Variants in KIAA0825 observed in about 807,000 individuals in gnomAD.
KIAA0825 encodes the protein KIAA0825, also known as uncharacterized protein KIAA0825.
Under a neutral mutation model 147.6 loss-of-function variants are expected in KIAA0825, and 119 were observed. The observed-to-expected ratio is 0.81, with a 90% CI of 0.69 to 0.94. KIAA0825 has a LOEUF of 0.94. Among genes scored for constraint, KIAA0825 ranks in the 40% least tolerant of loss-of-function variants. The pLI, the probability that KIAA0825 is intolerant of heterozygous loss-of-function variation, is 0.00. For missense variants in KIAA0825, 1,381 were observed against 1,472.7 expected (o/e 0.94, Z 1.02); for synonymous variants, 470 against 518.1 (o/e 0.91, Z 1.26).
At chr5:94,436,482 G>T (rs1160927913) in intron 14 of KIAA0825, among the ~76,000 whole-genome samples, 1 of 152,080 alleles carries the variant, frequency 6.6e-6, no homozygotes, top group Non-Finnish European at 1.5e-5. Flanking sequence ...TGGTTTGCGT[G>T]TCTGTTCTTA....
At chr5:94,567,557 G>A (rs190200465) in intron 2 of KIAA0825, 4 of 151,980 alleles carry the variant, frequency 2.6e-5, no homozygotes, top group South Asian at 2.0e-4. Context: ...ACTCTTCATC[G>A]GCTGAGAGGG....
At chr5:94,519,164 A>C in intron 5 of KIAA0825, 1 of 859,624 alleles carries the variant, frequency 1.2e-6, no homozygotes, top group South Asian at 5.4e-5. Context: ...AGGAAAATTA[A>C]AATTTTAAGA....
intron 18 of KIAA0825, among the ~76,000 whole-genome samples, chr5:94,388,400 G>A (rs1447546187): frequency 6.6e-6 from 1 of 152,148 alleles, no homozygotes; most frequent in African/African-American, 2.4e-5. Flanking sequence ...TTTAGTGTCT[G>A]ATGGAGGGTC....
At chr5:94,307,962 A>G (rs572520989) in intron 20 of KIAA0825, among the ~76,000 whole-genome samples, 1 of 151,888 alleles carries the variant, frequency 6.6e-6, no homozygotes, top group Admixed American at 6.6e-5. Flanking sequence ...CACATCTTTA[A>G]TAAGCTACTA....
At chr5:94,584,346 T>C (rs1782835964) in intron 1 of KIAA0825, among the ~76,000 whole-genome samples, 1 of 152,174 alleles carries the variant, frequency 6.6e-6, no homozygotes, top group African/African-American at 2.4e-5. Flanking sequence ...AGAGCTTAAA[T>C]GACCTGATGG....
chr5:94,429,346 G>A (rs549146157), intron 14 of KIAA0825, among the ~76,000 whole-genome samples: 15 of 151,992 alleles, frequency 9.9e-5, no homozygotes, highest in Admixed American at 5.2e-4. Flanking sequence ...TTATTTTCAC[G>A]CAGGTAGTAT....
intron 20 of KIAA0825, among the ~76,000 whole-genome samples, chr5:94,177,825 G>C (rs1179425493): frequency 1.3e-5 from 2 of 152,048 alleles, no homozygotes; most frequent in Non-Finnish European, 2.9e-5. Context: ...ATATTTTTGA[G>C]TTCCTACTAT....
At position 94,152,852 on chromosome 5, in the gene KIAA0825, AAAATTATATATATATATATATAT is replaced by A. The variant is rs1766640613; in HGVS notation, c.*1132_*1154del. 6.4e-5 allele frequency: 1 copy of A among 15,528 alleles called. No homozygotes were observed. Among genetic ancestry groups the A allele is most frequent in the African/African-American group, 2.2e-4 (1 of 4,560 alleles). 1.0% of individuals were successfully genotyped at this position (15,528 alleles called of 1,614,324 possible). On this transcript the variant is annotated 3_prime_UTR_variant, in exon 21 of 21. Coordinates refer to ENST00000682413, the MANE Select transcript of KIAA0825 (RefSeq NM_001145678.3). ...AAAAAAAAAAAAAAAAAAAAAAAAA[AAAATTATATATATATATATATAT>A]ATATATATATATATATATATATATA...
At chr5:94,283,729 T>G (rs1339000970) in intron 20 of KIAA0825, among the ~76,000 whole-genome samples, 2 of 152,170 alleles carry the variant, frequency 1.3e-5, no homozygotes, top group Non-Finnish European at 2.9e-5. Flanking sequence ...AATTAGTATT[T>G]TAAAACAATT....
intron 20 of KIAA0825, among the ~76,000 whole-genome samples, chr5:94,199,861 T>C (rs1023650021): frequency 1.3e-5 from 2 of 152,098 alleles, no homozygotes; most frequent in Non-Finnish European, 2.9e-5. Context: ...AGCTAAAGAA[T>C]TGTGGTGGTG....
chr5:94,589,987 T>C (rs1784054076), intron 1 of KIAA0825, among the ~76,000 whole-genome samples: 3 of 152,054 alleles, frequency 2.0e-5, no homozygotes, highest in African/African-American at 7.2e-5. Flanking sequence ...ACTCCAATGG[T>C]TTCTTTTTTT....
chr5:94,459,959 AC>A (rs1334598146), intron 12 of KIAA0825, among the ~76,000 whole-genome samples: 1 of 152,136 alleles, frequency 6.6e-6, no homozygotes, highest in African/African-American at 2.4e-5. Context: ...GGCAAATATT[AC>A]ATCTTGCTCA....
intron 20 of KIAA0825, among the ~76,000 whole-genome samples, chr5:94,361,786 A>G (rs918034458): frequency 2.6e-5 from 4 of 152,226 alleles, no homozygotes; most frequent in African/African-American, 9.6e-5. Flanking sequence ...CTTGGGGTCT[A>G]TAAATTTAAT....
chr5:94,532,605 C>T (rs527999881), intron 3 of KIAA0825, among the ~76,000 whole-genome samples: 2 of 151,712 alleles, frequency 1.3e-5, no homozygotes, highest in South Asian at 4.2e-4. Flanking sequence ...ATAGCGTGTG[C>T]AGCCTCAAAT....
At chr5:94,331,335 GATGAA>G (rs774210420) in intron 20 of KIAA0825, among the ~76,000 whole-genome samples, 15 of 152,114 alleles carry the variant, frequency 9.9e-5, no homozygotes, top group Non-Finnish European at 2.1e-4. Flanking sequence ...TGACCATTAA[GATGAA>G]ATGAACCAAT....
At chr5:94,360,711 C>T (rs557244968) in intron 20 of KIAA0825, among the ~76,000 whole-genome samples, 33 of 152,324 alleles carry the variant, frequency 2.2e-4, no homozygotes, top group Non-Finnish European at 2.9e-5. Flanking sequence ...ATTGCCCACC[C>T]CTTTCCCAGA....
intron 5 of KIAA0825, among the ~76,000 whole-genome samples, chr5:94,493,104 C>T (rs1763922459): frequency 6.6e-6 from 1 of 152,162 alleles, no homozygotes; most frequent in Admixed American, 6.5e-5. Context: ...GGCTGAGGCC[C>T]TCTGCCTTGA....
chr5:94,294,934 G>A (rs891923386), intron 20 of KIAA0825, among the ~76,000 whole-genome samples: 3 of 152,098 alleles, frequency 2.0e-5, no homozygotes, highest in African/African-American at 7.2e-5. Context: ...TCTTTGTGGT[G>A]TTCTCGTATT....
chr5:94,258,846 G>A (rs1402117739), intron 20 of KIAA0825, among the ~76,000 whole-genome samples: 1 of 151,996 alleles, frequency 6.6e-6, no homozygotes, highest in African/African-American at 2.4e-5. Flanking sequence ...AAATGCTACA[G>A]AATGGTTGTT....
Sources: gnomAD v4.1 joint callset for allele counts (sites outside exome capture counted in the v4.1 genomes callset) on GRCh38, gnomAD v4.1.1 for gene constraint, MANE v1.5 for transcripts, NCBI Gene and HGNC (gene_info 2026-07-23, HGNC 2026-07-21) for gene names.